The following GEN1 variants were observed in gnomAD, a reference collection of about 807,000 sequenced individuals.
GEN1 encodes the protein GEN1 structure-specific endonuclease.
GEN1 carries 64 observed loss-of-function variants against 67.6 expected under a neutral mutation model. The observed-to-expected ratio is 0.95, with a 90% confidence interval of 0.77 to 1.17. The LOEUF is 1.17. GEN1 is among the 50% of genes most tolerant of loss of function. The pLI is 0.00. For synonymous variants in GEN1, 371 were observed against 359.4 expected (o/e 1.03, Z -0.37); for missense variants, 1,058 against 1,048.3 (o/e 1.01, Z -0.13).
At chr2:17,777,479 A>G (rs1294452445) in intron 11 of GEN1, among the ~76,000 whole-genome samples, 1 of 152,170 alleles carries the variant, frequency 6.6e-6, no homozygotes, top group Non-Finnish European at 1.5e-5. Context: ...AGGAAGATGG[A>G]AGTAACAAAG....
intron 3 of GEN1, 30 bp from the exon 4 acceptor site, chr2:17,764,867 T>A (rs202245654): frequency 6.3e-7 from 1 of 1,595,400 alleles, no homozygotes; most frequent in African/African-American, 1.4e-5. Context: ...AAACATTCTT[T>A]AACATCTTGC....
chr2:17,758,761 G>C (rs193085617), intron 1 of GEN1, among the ~76,000 whole-genome samples: 2 of 152,200 alleles, frequency 1.3e-5, no homozygotes, highest in African/African-American at 4.8e-5. Context: ...GGCTGAGGCA[G>C]GCAGATCACT....
chr2:17,777,156 T>A (rs1274305638), intron 11 of GEN1, among the ~76,000 whole-genome samples: 1 of 151,910 alleles, frequency 6.6e-6, no homozygotes, highest in Non-Finnish European at 1.5e-5. Flanking sequence ...TAAAGTGTTG[T>A]TAAAGGATAT....
In GEN1 at chr2:17,778,369, T is replaced by TAC. The variant is rs1298785977; in HGVS notation, c.1264+314_1264+315dup. Among the ~76,000 whole-genome samples the TAC allele has an allele frequency of 4.8e-5, 2 of 41,844 alleles. 1 individual carries two copies. Among genetic ancestry groups the TAC allele is most frequent in the Non-Finnish European group, 8.7e-5 (2 of 23,090 alleles). The allele number at this position is 41,844 out of a possible 152,430, so 27.5% of individuals were successfully genotyped here. A position where few individuals can be genotyped will look rare whatever the true frequency, so the allele number is the denominator to read the frequency against. On this transcript the variant is annotated intron_variant, in intron 12 of 13. Coordinates refer to ENST00000381254, the MANE Select transcript of GEN1 (RefSeq NM_001130009.3). The stretch of plus-strand genomic sequence containing the variant: ...ACACATGTGTGTACATATATGTATA[T>TAC]ACACACACATATATGTGTGTACATA...
intron 2 of GEN1, 133 bp from the exon 3 acceptor site, chr2:17,761,263 T>G: frequency 3.4e-6 from 2 of 591,606 alleles, no homozygotes; most frequent in South Asian, 4.8e-5. Context: ...TCCACTCTAA[T>G]TAAAGCTTAA....
chr2:17,780,279 T>A (rs886229588), intron 13 of GEN1, among the ~76,000 whole-genome samples, 158 bp downstream of exon 13: 25 of 152,228 alleles, frequency 1.6e-4, no homozygotes, highest in African/African-American at 6.0e-4. Flanking sequence ...CATACTTTCT[T>A]TTAAAGCTGA....
At chr2:17,771,450 ATAG>A (rs1300879908) in intron 7 of GEN1, among the ~76,000 whole-genome samples, 163 bp downstream of exon 7, 3 of 152,204 alleles carry the variant, frequency 2.0e-5, no homozygotes, top group African/African-American at 7.2e-5. Context: ...TTATATACAC[ATAG>A]TAGTCACTCA....
chr2:17,772,716 C>T lies in GEN1; in HGVS notation c.885C>T (p.Cys295=). 1.9e-6 allele frequency: 3 copies of T among 1,611,462 alleles called. No homozygotes were observed. Among genetic ancestry groups the T allele is most frequent in the Non-Finnish European group, 2.5e-6 (3 of 1,177,984 alleles). ...KYCEPHDYEY[C]CPCEWHRTEH... The stretch of plus-strand genomic sequence containing the variant: ...GTGAGCCACATGACTATGAATACTG[C>T]TGTCCTTGTGAGTGGCACCGTACAG... Residue 295 remains cysteine (C), a synonymous_variant, in exon 8 of 14, where the codon TGC becomes TGT. Transcript: ENST00000381254.
chr2:17,766,219 A>G (rs1175251319), intron 4 of GEN1, among the ~76,000 whole-genome samples: 1 of 152,124 alleles, frequency 6.6e-6, no homozygotes, highest in South Asian at 2.1e-4. Flanking sequence ...CCAATCTGAA[A>G]TGCAGTGGTG....
At chr2:17,771,960 A>G (rs1387727767) in intron 7 of GEN1, among the ~76,000 whole-genome samples, 1 of 152,040 alleles carries the variant, frequency 6.6e-6, no homozygotes, top group Non-Finnish European at 1.5e-5. Context: ...ATGGAAGAAA[A>G]TCAATGTTTT....
At position 17,782,059 on chromosome 2, in the gene GEN1, C is replaced by T. The variant is rs1572428512; in HGVS notation, c.*120C>T. 12 of 564,770 alleles carry T rather than the reference C, an allele frequency of 2.1e-5. No homozygotes were observed. The East Asian group carries it at 3.5e-4, about 16-fold the overall frequency. 35.0% of individuals were successfully genotyped at this position (564,770 alleles called of 1,614,324 possible). A position where few individuals can be genotyped will look rare whatever the true frequency, so the allele number is the denominator to read the frequency against. On this transcript the variant is annotated 3_prime_UTR_variant, in exon 14 of 14. Transcript: ENST00000381254. ...TTAATGTTCTCTGTGTCATGAAACA[C>T]TTGCCATTTTAATCAAAGTTGTAAT...
At chr2:17,762,408 T>C (rs56961860) in intron 3 of GEN1, among the ~76,000 whole-genome samples, 5,582 of 151,814 alleles carry the variant, frequency 0.037, 304 homozygotes, top group African/African-American at 0.11. Context: ...AGGGTTTCAC[T>C]GTGTTAGCCA....
At position 17,781,264 on chromosome 2, in the gene GEN1, T is replaced by C. The variant is rs1672817766; in HGVS notation, c.2052T>C (p.Tyr684=). Residue 684 remains tyrosine, a synonymous_variant, in exon 14 of 14, where the codon TAT becomes TAC. Transcript: ENST00000381254. ...AACGAATATTTACAAAATTATCATA[T>C]CCTCAGGATAATCTACAACCAGATG... is the stretch of plus-strand genomic sequence containing the variant. The part of the protein sequence containing the change: ...LKERIFTKLS[Y]PQDNLQPDVN... 6.2e-7 allele frequency: 1 copy of C among 1,613,464 alleles called. No homozygotes were observed. Among genetic ancestry groups the C allele is most frequent in the African/African-American group, 1.3e-5 (1 of 75,058 alleles).
At chr2:17,772,365 T>A (rs991939369) in intron 7 of GEN1, among the ~76,000 whole-genome samples, 1 of 152,090 alleles carries the variant, frequency 6.6e-6, no homozygotes, top group African/African-American at 2.4e-5. Context: ...AATGTATAAT[T>A]TCAAGTGTCT....
At chr2:17,778,289 C>CGTGTACATAT (rs1672594363) in intron 12 of GEN1, among the ~76,000 whole-genome samples, 2 of 90,462 alleles carry the variant, frequency 2.2e-5, no homozygotes, top group Non-Finnish European at 4.4e-5. Flanking sequence ...TATACACACA[C>CGTGTACATAT]ATGTGTGTGT....
At chr2:17,775,491 A>G (rs1009151664) in intron 11 of GEN1, among the ~76,000 whole-genome samples, 2 of 152,236 alleles carry the variant, frequency 1.3e-5, no homozygotes, top group African/African-American at 4.8e-5. Flanking sequence ...ACAGATAGTT[A>G]TACTACAAAT....
At chr2:17,761,029 A>C (rs1671653130) in intron 2 of GEN1, among the ~76,000 whole-genome samples, 1 of 151,746 alleles carries the variant, frequency 6.6e-6, no homozygotes, top group Non-Finnish European at 1.5e-5. Context: ...TCAGGAGTTC[A>C]AGACCAGCCT....
chr2:17,757,737 C>G (rs1553326114), intron 1 of GEN1, among the ~76,000 whole-genome samples: 1 of 152,156 alleles, frequency 6.6e-6, no homozygotes, highest in Non-Finnish European at 1.5e-5. Context: ...CAGAACAGTA[C>G]TTTTTAATTT....
intron 1 of GEN1, among the ~76,000 whole-genome samples, chr2:17,758,456 CTT>C (rs1671525364): frequency 6.6e-6 from 1 of 152,126 alleles, no homozygotes; most frequent in African/African-American, 2.4e-5. Context: ...ATAATAATGA[CTT>C]TGAGAATATT....
Sources: gnomAD v4.1 joint callset for allele counts (sites outside exome capture counted in the v4.1 genomes callset) on GRCh38, gnomAD v4.1.1 for gene constraint, MANE v1.5 for transcripts, NCBI Gene and HGNC (gene_info 2026-07-23, HGNC 2026-07-21) for gene names.